The following DIP2C variants were observed in gnomAD, a reference collection of about 807,000 sequenced individuals.
DIP2C encodes the protein disco-interacting protein 2 homolog C.
Under a neutral mutation model 192.4 loss-of-function variants are expected in DIP2C, and 33 were observed. That is an observed-to-expected ratio of 0.17 (90% CI 0.13 to 0.23). The LOEUF is 0.23. DIP2C is among the 10% of genes least tolerant of loss of function. The pLI is 1.00. For synonymous variants in DIP2C, 979 were observed against 864.1 expected (o/e 1.13, Z -2.33); for missense variants, 1,537 against 2,110.1 (o/e 0.73, Z 5.32).
chr10:394,050 T>C (rs1442574545), intron 10 of DIP2C, among the ~76,000 whole-genome samples: 1 of 152,222 alleles, frequency 6.6e-6, no homozygotes, highest in African/African-American at 2.4e-5. Flanking sequence ...TCCAGCAATC[T>C]TGCTACTGGG....
chr10:307,426 T>G (rs1956372676), intron 32 of DIP2C, among the ~76,000 whole-genome samples: 1 of 152,022 alleles, frequency 6.6e-6, no homozygotes, highest in South Asian at 2.1e-4. Context: ...CTAGGAATAT[T>G]TAAGGGAGGT....
chr10:665,073 C>T (rs1223750427), intron 1 of DIP2C: 3 of 151,992 alleles, frequency 2.0e-5, no homozygotes, highest in African/African-American at 7.2e-5. Context: ...TTGGAGTTGA[C>T]CTTGAAATTT....
At chr10:560,890 C>T (rs963879943) in intron 1 of DIP2C, among the ~76,000 whole-genome samples, 1 of 152,122 alleles carries the variant, frequency 6.6e-6, no homozygotes. Context: ...GGGAAACATT[C>T]ACAATCTATT....
At chr10:422,067 G>A (rs766157917) in intron 5 of DIP2C, among the ~76,000 whole-genome samples, 11 of 152,106 alleles carry the variant, frequency 7.2e-5, no homozygotes, top group African/African-American at 2.2e-4. Context: ...GTTTTCCTGC[G>A]GCAGCTGAGA....
At chr10:397,802 A>C (rs1964115334) in intron 10 of DIP2C, among the ~76,000 whole-genome samples, 1 of 152,204 alleles carries the variant, frequency 6.6e-6, no homozygotes, top group South Asian at 2.1e-4. Context: ...ATAAAATTCT[A>C]AGCCCCTCAA....
chr10:461,273 G>A (rs938892045), intron 3 of DIP2C, among the ~76,000 whole-genome samples: 5 of 152,172 alleles, frequency 3.3e-5, no homozygotes, highest in African/African-American at 1.2e-4. Context: ...ATAGAGTCAA[G>A]ACCCGTTGGT....
At chr10:665,833 A>T (rs1161201727) in intron 1 of DIP2C, 1 of 152,164 alleles carries the variant, frequency 6.6e-6, no homozygotes, top group Non-Finnish European at 1.5e-5. Context: ...AGCCAGGCTT[A>T]TCTCTTACAG....
At chr10:563,419 AAT>A (rs1302022029) in intron 1 of DIP2C, among the ~76,000 whole-genome samples, 2 of 152,248 alleles carry the variant, frequency 1.3e-5, no homozygotes, top group Non-Finnish European at 2.9e-5. Flanking sequence ...AAATTAGTAG[AAT>A]TTACCAAACT....
chr10:305,972 A>AATATATATATATAT (rs35830495), intron 32 of DIP2C, among the ~76,000 whole-genome samples: 80 of 146,274 alleles, frequency 5.5e-4, no homozygotes, highest in African/African-American at 1.8e-3. Flanking sequence ...AATGCAGACA[A>AATATATATATATAT]ATATATATAT....
intron 9 of DIP2C, among the ~76,000 whole-genome samples, chr10:405,625 C>T (rs1964747481): frequency 6.6e-6 from 1 of 152,324 alleles, no homozygotes; most frequent in East Asian, 1.9e-4. Flanking sequence ...GATCCCAATA[C>T]AATACTGGAC....
At chr10:617,505 C>T (rs1159593231) in intron 1 of DIP2C, among the ~76,000 whole-genome samples, 1 of 152,136 alleles carries the variant, frequency 6.6e-6, no homozygotes, top group Non-Finnish European at 1.5e-5. Flanking sequence ...TTCTATGCAC[C>T]CTCTGCCACC....
chr10:532,544 T>TGAGAGAGTATGGGTGTGA lies in DIP2C; in HGVS notation c.86-46015_86-46014insTCACACCCATACTCTCTC, dbSNP rs1847435764. Reference sequence around the variant, plus strand: ...GTGGGTGTGTGAGAGAGTATGGGTGTGAGAGAGTATGGGTGAGAGAGAGAG... The same window carrying TGAGAGAGTATGGGTGTGA: ...GTGGGTGTGTGAGAGAGTATGGGTGTGAGAGAGTATGGGTGTGAGAGAGAGTATGGGTGAGAGAGAGAG... On this transcript the variant is annotated intron_variant, in intron 1 of 36. Coordinates refer to ENST00000280886, the MANE Select transcript of DIP2C (RefSeq NM_014974.3). 1.4e-4 allele frequency among the ~76,000 whole-genome samples: 16 copies of TGAGAGAGTATGGGTGTGA among 113,320 alleles called. 2 individuals are homozygous for TGAGAGAGTATGGGTGTGA. The highest frequency in any genetic ancestry group is 2.8e-4 in the Non-Finnish European group (15 of 54,250). The allele number at this position is 113,320 out of a possible 152,430, so 74.3% of individuals were successfully genotyped here.
intron 8 of DIP2C, among the ~76,000 whole-genome samples, chr10:412,693 G>C (rs974187927): frequency 6.6e-6 from 1 of 152,186 alleles, no homozygotes; most frequent in African/African-American, 2.4e-5. Context: ...TGAAAGGCTA[G>C]GGTCTGAGGT....
In DIP2C at chr10:414,739, G is replaced by GTGTATATATA; in HGVS notation, c.860-630_860-629insTATATATACA. Reference sequence around the variant, plus strand: ...TGTGTGTGTGTGTGTGTGTGTGTGTGTACATATATATATATATAATGTGTA... The same window carrying GTGTATATATA: ...TGTGTGTGTGTGTGTGTGTGTGTGTGTGTATATATATACATATATATATATATAATGTGTA... On this transcript the variant is annotated intron_variant, in intron 7 of 36. Transcript: ENST00000280886. Among the ~76,000 whole-genome samples the GTGTATATATA allele has an allele frequency of 8.6e-3, 776 of 90,498 alleles. 54 individuals are homozygous for GTGTATATATA. Among genetic ancestry groups the GTGTATATATA allele is most frequent in the East Asian group, 0.062 (178 of 2,858 alleles). The allele number at this position is 90,498 out of a possible 152,430, so 59.4% of individuals were successfully genotyped here.
intron 1 of DIP2C, among the ~76,000 whole-genome samples, chr10:640,531 G>C (rs530320092): frequency 2.2e-4 from 33 of 152,280 alleles, no homozygotes; most frequent in African/African-American, 7.7e-4. Context: ...GCAAGAGGCG[G>C]GCATGGCCAG....
At position 349,337 on chromosome 10, in the gene DIP2C, G is replaced by T; in HGVS notation, c.3103C>A (p.Pro1035Thr). 1.2e-6 allele frequency: 2 copies of T among 1,607,290 alleles called. No homozygotes were observed. Among genetic ancestry groups the T allele is most frequent in the Non-Finnish European group, 1.7e-6 (2 of 1,178,584 alleles). ...QDGDHVALVYPPGIDLIAAFY... is the reference protein window; with the variant it reads ...QDGDHVALVYTPGIDLIAAFY... Reference sequence around the variant, plus strand: ...GCCCACCCTGCGCCTGTACCTGGGGGGTAGACCAAGGCCACGTGGTCGCCG... The same window carrying T: ...GCCCACCCTGCGCCTGTACCTGGGGTGTAGACCAAGGCCACGTGGTCGCCG... Residue 1035 changes from proline to threonine, a missense_variant, in exon 25 of 37, where the codon CCC (proline) becomes ACC (threonine). Coordinates refer to ENST00000280886, the MANE Select transcript of DIP2C (RefSeq NM_014974.3).
chr10:445,900 C>T (rs867242754), intron 3 of DIP2C, among the ~76,000 whole-genome samples: 1 of 134,788 alleles, frequency 7.4e-6, no homozygotes, highest in Non-Finnish European at 1.5e-5. Context: ...CTTGCACTGG[C>T]CATCTGTATA....
intron 1 of DIP2C, among the ~76,000 whole-genome samples, chr10:660,322 A>G (rs951652084): frequency 2.0e-5 from 3 of 151,680 alleles, no homozygotes; most frequent in African/African-American, 4.9e-5. Context: ...CCCTGTTTCA[A>G]GCTCTGTGTA....
intron 1 of DIP2C, among the ~76,000 whole-genome samples, chr10:526,056 CTG>C (rs754305515): frequency 6.6e-6 from 1 of 152,248 alleles, no homozygotes; most frequent in Non-Finnish European, 1.5e-5. Context: ...CTGCGCTCCT[CTG>C]TGCCTACACT....
Sources: gnomAD v4.1 joint callset for allele counts (sites outside exome capture counted in the v4.1 genomes callset) on GRCh38, gnomAD v4.1.1 for gene constraint, MANE v1.5 for transcripts, NCBI Gene and HGNC (gene_info 2026-07-23, HGNC 2026-07-21) for gene names.